The following BCLAF3 variants were observed in gnomAD, a reference collection of about 807,000 sequenced individuals.
The protein encoded by BCLAF3 is transient octamer binding factor 1.
BCLAF3 carries 24 observed loss-of-function variants against 51.2 expected under a neutral mutation model. That is an observed-to-expected ratio of 0.47 (90% CI 0.34 to 0.66). The LOEUF (loss-of-function observed/expected upper bound fraction) is 0.66. BCLAF3 is among the 30% of genes least tolerant of loss of function. The pLI, the probability that BCLAF3 is intolerant of heterozygous loss-of-function variation, is 0.01. For synonymous variants in BCLAF3, 152 were observed against 176.6 expected (o/e 0.86, Z 1.10); for missense variants, 465 against 525.1 (o/e 0.89, Z 1.12).
intron 1 of BCLAF3, among the ~76,000 whole-genome samples, chrX:19,980,798 GCGTGGTGTTGC>G (rs2072585529): frequency 9.1e-6 from 1 of 109,830 alleles, no homozygotes; most frequent in African/African-American, 3.3e-5. Context: ...AATTAGACAG[GCGTGGTGTTGC>G]ACACCTGTAG....
intron 1 of BCLAF3, among the ~76,000 whole-genome samples, chrX:19,979,439 T>C (rs1745070741): frequency 9.0e-6 from 1 of 111,509 alleles, no homozygotes; most frequent in Non-Finnish European, 1.9e-5. Flanking sequence ...TTAAGGTATG[T>C]ATTGTTTTAG....
intron 1 of BCLAF3, among the ~76,000 whole-genome samples, chrX:19,973,052 C>T (rs1292904249): frequency 8.9e-6 from 1 of 111,866 alleles, no homozygotes; most frequent in Non-Finnish European, 1.9e-5. Flanking sequence ...TGAGGATCTG[C>T]CAAACTTTTC....
At chrX:19,926,522 G>A in intron 11 of BCLAF3, among the ~76,000 whole-genome samples, 1 of 111,550 alleles carries the variant, frequency 9.0e-6, no homozygotes, top group African/African-American at 3.3e-5. Flanking sequence ...AAAAAATGGA[G>A]CAAGATCCAA....
chrX:19,916,219 T>C lies in BCLAF3; in HGVS notation c.*1086A>G, dbSNP rs1173583978. On this transcript the variant is annotated 3_prime_UTR_variant, in exon 12 of 12. Transcript: ENST00000379682. Reference sequence around the variant, plus strand: ...CCAAGGCTATAAGTCTCAAACAAAATTAAAATAATGCTCTCACAAACTGGC... The same window carrying C: ...CCAAGGCTATAAGTCTCAAACAAAACTAAAATAATGCTCTCACAAACTGGC... 1.8e-5 allele frequency: 2 copies of C among 112,617 alleles called. No individual in the cohort carries two copies. Among genetic ancestry groups the C allele is most frequent in the Non-Finnish European group, 3.8e-5 (2 of 53,200 alleles). The allele number at this position is 112,617 out of a possible 1,213,427, so 9.3% of individuals were successfully genotyped here. A position where few individuals can be genotyped will look rare whatever the true frequency, so the allele number is the denominator to read the frequency against.
rs2070518376 is a variant in BCLAF3, at chrX:19,930,726, G to A, written c.1951-786C>T. ...AACTGTTAAGTTAAAAGAATTTGAG[G>A]GCGGGCACAGTGGCTCACACCTAAA... is the stretch of plus-strand genomic sequence containing the variant. On this transcript the variant is annotated intron_variant, in intron 10 of 11. Transcript: ENST00000379682. 3 of 129,403 alleles carry A rather than the reference G, an allele frequency of 2.3e-5. No individual in the cohort carries two copies. The South Asian group carries it at 5.7e-4, about 25-fold the overall frequency. 10.7% of individuals were successfully genotyped at this position (129,403 alleles called of 1,213,427 possible).
intron 10 of BCLAF3, chrX:19,930,325 G>C (rs2070499530): frequency 8.4e-6 from 1 of 118,524 alleles, no homozygotes; most frequent in Non-Finnish European, 1.7e-5. Context: ...GACAGAGTGA[G>C]ACCCTGTCTC....
chrX:19,977,503 A>AC (rs1277302440), intron 1 of BCLAF3, among the ~76,000 whole-genome samples: 1 of 112,234 alleles, frequency 8.9e-6, no homozygotes, highest in Non-Finnish European at 1.9e-5. Flanking sequence ...CCAGAGCAAG[A>AC]CTCTAACTCC....
chrX:19,950,281 A>AT (rs752196895), intron 8 of BCLAF3, among the ~76,000 whole-genome samples: 2 of 111,733 alleles, frequency 1.8e-5, no homozygotes, highest in Non-Finnish European at 3.8e-5. Context: ...AAAAATGTGG[A>AT]TTTTTTTCAC....
intron 1 of BCLAF3, among the ~76,000 whole-genome samples, chrX:19,989,366 C>T (rs780116446): frequency 9.0e-6 from 1 of 111,039 alleles, no homozygotes; most frequent in Non-Finnish European, 1.9e-5. Flanking sequence ...CATGGTGGCA[C>T]ACGCCTGTAG....
At chrX:19,974,885 AAAAT>A (rs1157623037) in intron 1 of BCLAF3, among the ~76,000 whole-genome samples, 2 of 111,500 alleles carry the variant, frequency 1.8e-5, no homozygotes, top group African/African-American at 6.5e-5. Context: ...GCATCTCAAA[AAAAT>A]AAATAAATAA....
At chrX:19,918,552 T>TG (rs1782227775) in intron 11 of BCLAF3, among the ~76,000 whole-genome samples, 1 of 89,534 alleles carries the variant, frequency 1.1e-5, no homozygotes, top group Non-Finnish European at 2.2e-5. Flanking sequence ...TTTTTTTTTT[T>TG]TTTTTTTTTT....
At chrX:19,939,981 T>G (rs182615248) in intron 8 of BCLAF3, among the ~76,000 whole-genome samples, 1 of 112,249 alleles carries the variant, frequency 8.9e-6, no homozygotes, top group Non-Finnish European at 1.9e-5. Context: ...TTTGTGAAGA[T>G]GAAAAAGTTC....
At chrX:19,957,849 T>C (rs2071721307) in intron 4 of BCLAF3, among the ~76,000 whole-genome samples, 2 of 111,928 alleles carry the variant, frequency 1.8e-5, no homozygotes. Context: ...TTATGATACT[T>C]TTGGTACAAG....
chrX:19,978,417 G>A (rs1344565701), intron 1 of BCLAF3, among the ~76,000 whole-genome samples: 1 of 111,853 alleles, frequency 8.9e-6, no homozygotes, highest in Admixed American at 9.5e-5. Context: ...AGACTTCAGT[G>A]GAGGAAGTCA....
At position 19,955,573 on chromosome X, in the gene BCLAF3, T is replaced by A; in HGVS notation, c.1275-7A>T. On this transcript the variant is annotated splice_polypyrimidine_tract_variant and splice_region_variant and intron_variant, in intron 4 of 11. Transcript: ENST00000379682. The stretch of plus-strand genomic sequence containing the variant: ...GGAATAGCTAGAAGCAACCCTAGAA[T>A]AATTTGCAAATGTTTAACTAAATTT... The A allele has an allele frequency of 8.6e-7, 1 of 1,167,134 alleles. No individual in the cohort carries two copies.
intron 8 of BCLAF3, among the ~76,000 whole-genome samples, chrX:19,946,029 C>G (rs2071277913): frequency 9.2e-6 from 1 of 108,980 alleles, no homozygotes; most frequent in South Asian, 4.1e-4. Context: ...TGGGAGTGAC[C>G]CGATTTTCCA....
At chrX:19,979,578 C>T (rs910664007) in intron 1 of BCLAF3, among the ~76,000 whole-genome samples, 2 of 110,570 alleles carry the variant, frequency 1.8e-5, no homozygotes, top group Non-Finnish European at 3.8e-5. Context: ...GGTCTGGAAC[C>T]AAACCCGCAA....
chrX:19,987,681 G>A (rs2072851077), intron 1 of BCLAF3, among the ~76,000 whole-genome samples: 2 of 112,359 alleles, frequency 1.8e-5, no homozygotes, highest in Admixed American at 1.9e-4. Flanking sequence ...GTGACTGCTA[G>A]GGGGTAGGAA....
At chrX:19,968,750 C>T (rs1287105254) in intron 2 of BCLAF3, among the ~76,000 whole-genome samples, 1 of 113,049 alleles carries the variant, frequency 8.8e-6, no homozygotes, top group Non-Finnish European at 1.9e-5. Flanking sequence ...GAGAAGGAAC[C>T]TGGAACTCAG....
Sources: allele counts gnomAD v4.1 joint callset (sites outside exome capture counted in the v4.1 genomes callset), GRCh38; gene constraint gnomAD v4.1.1; transcripts MANE v1.5; gene names NCBI Gene and HGNC (gene_info 2026-07-23, HGNC 2026-07-21).